The following EIF4B variants were observed in gnomAD, a reference collection of about 807,000 sequenced individuals.
EIF4B encodes the protein eukaryotic translation initiation factor 4B.
In EIF4B, 8 loss-of-function variants were observed where a neutral mutation model predicts 79.3. The ratio of observed to expected loss-of-function variants is 0.10; its 90% confidence interval spans 0.06 to 0.18. The LOEUF is 0.18. Ranked by LOEUF, EIF4B falls within the 10% of genes least tolerant of loss-of-function variation. The pLI, the probability that EIF4B is intolerant of heterozygous loss-of-function variation, is 1.00. For synonymous variants in EIF4B, 238 were observed against 274.7 expected (o/e 0.87, Z 1.32); for missense variants, 515 against 792.4 (o/e 0.65, Z 4.20).
chr12:53,016,403 A>G, intron 1 of EIF4B, 70 bp from the exon 2 acceptor site: 2 of 1,582,892 alleles, frequency 1.3e-6, no homozygotes, highest in South Asian at 1.1e-5. Flanking sequence ...ATGTTTTACA[A>G]TATTGCATTG....
intron 8 of EIF4B, 68 bp from the exon 9 acceptor site, chr12:53,033,738 A>G: frequency 6.7e-7 from 1 of 1,483,826 alleles, no homozygotes; most frequent in Non-Finnish European, 9.1e-7. Context: ...TATATCTGAG[A>G]AATCTGGCTT....
chr12:53,019,790 C>G, intron 3 of EIF4B, 120 bp from the exon 4 acceptor site: 1 of 850,864 alleles, frequency 1.2e-6, no homozygotes, highest in Non-Finnish European at 1.8e-6. Flanking sequence ...CTGAGACAAC[C>G]ATGTTCTTGT....
chr12:53,016,550 A>G lies in EIF4B; in HGVS notation c.91A>G (p.Ser31Gly), dbSNP rs1943151764. The G allele has an allele frequency of 1.2e-6, 2 of 1,613,384 alleles. No homozygotes were observed. Among genetic ancestry groups the G allele is most frequent in the African/African-American group, 1.3e-5 (1 of 74,932 alleles). Residue 31 changes from serine (S) to glycine (G), a missense_variant, in exon 2 of 15, where the codon AGC becomes GGC. Transcript: ENST00000262056. ...LAEDGGTGGG[S>G]TYVSKPVSWA... ...TGAGGATGGGGGTACTGGTGGAGGAAGCACCTATGTTTCCAAACCAGTCAG... is the reference window on the plus strand; with the variant it reads ...TGAGGATGGGGGTACTGGTGGAGGAGGCACCTATGTTTCCAAACCAGTCAG...
At position 53,040,982 on chromosome 12, in the gene EIF4B, CT is replaced by C. The variant is rs1158955057; in HGVS notation, c.*760del. 2 of 152,168 alleles carry C rather than the reference CT, an allele frequency of 1.3e-5. No homozygotes were observed. Among genetic ancestry groups the C allele is most frequent in the Non-Finnish European group, 2.9e-5 (2 of 68,030 alleles). 9.4% of individuals were successfully genotyped at this position (152,168 alleles called of 1,614,324 possible). The stretch of plus-strand genomic sequence containing the variant: ...CAGCAAACACATGAATGGTTATTTC[CT>C]GGAGCCGGAAGCACTTGGGGGTCGT... On this transcript the variant is annotated 3_prime_UTR_variant, in exon 15 of 15. Coordinates refer to ENST00000262056, the MANE Select transcript of EIF4B (RefSeq NM_001417.7).
chr12:53,027,807 C>T lies in EIF4B; in HGVS notation c.693C>T (p.Asp231=). The change falls in exon 7 of 15, where the codon GAC becomes GAT. Residue 231 remains aspartate (D), a synonymous_variant. Transcript: ENST00000262056. ...AGTATCGAGATCGTTATGATTCAGA[C>T]CGGTATCGGGATGGGTATCGGGATG... is the stretch of plus-strand genomic sequence containing the variant. ...GDKYRDRYDS[D]RYRDGYRDGY... 6.2e-7 allele frequency: 1 copy of T among 1,613,692 alleles called. No individual in the cohort carries two copies. The highest frequency in any genetic ancestry group is 8.5e-7 in the Non-Finnish European group (1 of 1,180,034).
chr12:53,007,081 G>T (rs1942977741), intron 1 of EIF4B, among the ~76,000 whole-genome samples: 1 of 152,220 alleles, frequency 6.6e-6, no homozygotes, highest in African/African-American at 2.4e-5. Flanking sequence ...CTAGAACCCA[G>T]ATGGGAAGCT....
In EIF4B at chr12:53,038,336, AT is replaced by A. The variant is rs1214177554; in HGVS notation, c.1521-18del. The A allele has an allele frequency of 1.9e-6, 3 of 1,566,944 alleles. No individual in the cohort carries two copies. The highest frequency in any genetic ancestry group is 1.7e-6 in the Non-Finnish European group (2 of 1,157,790). On this transcript the variant is annotated intron_variant, in intron 11 of 14. Transcript: ENST00000262056. ...CTCCCTGAAACAACTGATGAATGTG[AT>A]TACCTGTTTTCCTTCTAGTGGTGGG...
chr12:53,019,649 A>AGTGGACTACAG (rs1943215541), intron 3 of EIF4B, among the ~76,000 whole-genome samples: 1 of 145,664 alleles, frequency 6.9e-6, no homozygotes, highest in Non-Finnish European at 1.5e-5. Flanking sequence ...TACAGGCATG[A>AGTGGACTACAG]GCCACTGCAC....
intron 4 of EIF4B, 84 bp from the exon 5 acceptor site, chr12:53,021,722 T>C: frequency 6.7e-7 from 1 of 1,485,848 alleles, no homozygotes; most frequent in South Asian, 1.1e-5. Context: ...CTAGTGCTTC[T>C]GCTATGCCCA....
At chr12:53,033,406 G>A (rs536690877) in intron 8 of EIF4B, among the ~76,000 whole-genome samples, 3 of 148,562 alleles carry the variant, frequency 2.0e-5, no homozygotes, top group Admixed American at 6.9e-5. Context: ...GCAGTAGCTC[G>A]ATCTTGGCTC....
chr12:53,025,546 G>A (rs1943319544), intron 6 of EIF4B, among the ~76,000 whole-genome samples: 1 of 152,116 alleles, frequency 6.6e-6, no homozygotes, highest in Non-Finnish European at 1.5e-5. Context: ...GCTTTCTCAG[G>A]AAACACAAGC....
rs778886373 is a variant in EIF4B at position 53,018,897 on chromosome 12, A to G, written c.251A>G (p.Asn84Ser). Residue 84 changes from asparagine to serine, a missense_variant, in exon 3 of 15, where the codon AAT becomes AGT. Transcript: ENST00000262056. ...GCTCCACGGGCTGCTCGGGAACCCA[A>G]TATCGACCGGAGCCGTCTTCCCAAA... is the stretch of plus-strand genomic sequence containing the variant. ...PTAPRAAREP[N>S]IDRSRLPKSP... 1.7e-5 allele frequency: 27 copies of G among 1,613,742 alleles called. No individual in the cohort carries two copies. The African/African-American group carries it at 2.4e-4, about 14-fold the overall frequency.
intron 13 of EIF4B, 134 bp from the exon 14 acceptor site, chr12:53,039,496 G>T: frequency 7.9e-7 from 1 of 1,273,824 alleles, no homozygotes; most frequent in Non-Finnish European, 1.1e-6. Flanking sequence ...AAATCTAGAA[G>T]TAATACATCA....
At chr12:53,039,565 A>ATACACATGT in intron 13 of EIF4B, 65 bp from the exon 14 acceptor site, 1 of 1,580,662 alleles carries the variant, frequency 6.3e-7, no homozygotes. Context: ...AACTGCATGC[A>ATACACATGT]TACACATGTT....
rs563475409 is a variant in EIF4B, at chr12:53,027,471, G to A, written c.668-311G>A. On this transcript the variant is annotated intron_variant, in intron 6 of 14. Transcript: ENST00000262056. ...TTTAATTAAAAAATAAGTGGTCTTT[G>A]GGATCAAACATGGGAGATTCCCAAC... is the stretch of plus-strand genomic sequence containing the variant. Among the ~76,000 whole-genome samples, 4 of 151,966 alleles carry A rather than the reference G, an allele frequency of 2.6e-5. No individual in the cohort carries two copies. In the South Asian group the frequency reaches 8.3e-4, roughly 32 times the overall value.
intron 1 of EIF4B, among the ~76,000 whole-genome samples, chr12:53,015,756 C>G (rs980446532): frequency 1.3e-5 from 2 of 151,224 alleles, no homozygotes; most frequent in South Asian, 2.1e-4. Context: ...GCAGGAGGAT[C>G]ACCTGAGGTT....
intron 1 of EIF4B, among the ~76,000 whole-genome samples, chr12:53,014,344 C>T (rs979490542): frequency 1.3e-5 from 2 of 148,962 alleles, no homozygotes; most frequent in Non-Finnish European, 3.0e-5. Flanking sequence ...ACCTGGGAGG[C>T]GGAGGTTGCA....
chr12:53,037,299 C>T (rs902012071), intron 10 of EIF4B, 110 bp from the exon 11 acceptor site: 10 of 1,234,544 alleles, frequency 8.1e-6, no homozygotes, highest in Admixed American at 6.9e-5. Context: ...ATAAATCCAT[C>T]TTTGGGAGCC....
At chr12:53,028,730 A>G (rs1356020772) in intron 8 of EIF4B, among the ~76,000 whole-genome samples, 1 of 152,036 alleles carries the variant, frequency 6.6e-6, no homozygotes. Context: ...TCAGTAAATT[A>G]CACTTAAAAC....
Sources: allele counts gnomAD v4.1 joint callset (sites outside exome capture counted in the v4.1 genomes callset), GRCh38; gene constraint gnomAD v4.1.1; transcripts MANE v1.5; gene names NCBI Gene and HGNC (gene_info 2026-07-23, HGNC 2026-07-21).